Variants in CPA4 observed in about 807,000 individuals in gnomAD.
CPA4 encodes the protein carboxypeptidase A4.
Under a neutral mutation model 54.7 loss-of-function variants are expected in CPA4, and 49 were observed. That is an observed-to-expected ratio of 0.90 (90% confidence interval 0.71 to 1.14). The LOEUF (loss-of-function observed/expected upper bound fraction) is 1.14. CPA4 is among the 50% of genes most tolerant of loss of function. The probability of loss-of-function intolerance (pLI) is 0.00; values close to 1 mark genes in which losing one functional copy is unlikely to be tolerated. For missense variants in CPA4, 487 were observed against 525.1 expected, an observed-to-expected ratio of 0.93 and a Z score of 0.71; for synonymous variants, 215 against 206.8, an observed-to-expected ratio of 1.04 and a Z score of -0.34.
chr7:130,306,323 C>T (rs911470574), intron 6 of CPA4: 2 of 245,394 alleles, frequency 8.2e-6, no homozygotes, highest in Non-Finnish European at 1.6e-5. Context: ...GCGGAGGTTG[C>T]GTTGAGCCAA....
Position 130,299,284 on chromosome 7 carries a change from A to G in CPA4, c.165A>G (p.Lys55=). The part of the protein sequence containing the change: ...NSNNLKLNFW[K]SPSSFNRPVD... Reference sequence around the variant, plus strand: ...GTTCCCTTCAGCTCAATTTCTGGAAATCTCCCTCCTCCTTCAATCGGCCTG... The same window carrying G: ...GTTCCCTTCAGCTCAATTTCTGGAAGTCTCCCTCCTCCTTCAATCGGCCTG... Residue 55 remains lysine (K), a synonymous_variant, in exon 3 of 11, where the codon AAA becomes AAG. Transcript: ENST00000222482. 1 of 1,613,906 alleles carries G rather than the reference A, an allele frequency of 6.2e-7. No individual in the cohort carries two copies. The highest frequency in any genetic ancestry group is 8.5e-7 in the Non-Finnish European group (1 of 1,179,848).
At chr7:130,296,019 C>T (rs1262440470) in intron 1 of CPA4, among the ~76,000 whole-genome samples, 3 of 152,146 alleles carry the variant, frequency 2.0e-5, no homozygotes, top group Admixed American at 2.0e-4. Flanking sequence ...CTACCACAAC[C>T]GCCAATGTTC....
In CPA4 at chr7:130,307,044, A is replaced by C. The variant is rs78626624; in HGVS notation, c.702+147A>C. 5.8e-4 allele frequency: 391 copies of C among 672,648 alleles called. 2 individuals are homozygous for C. In the African/African-American group the frequency reaches 6.0e-3, roughly 10 times the overall value. The allele number at this position is 672,648 out of a possible 1,614,324, so 41.7% of individuals were successfully genotyped here. On this transcript the variant is annotated intron_variant, in intron 7 of 10. Coordinates refer to ENST00000222482, the MANE Select transcript of CPA4 (RefSeq NM_016352.4). ...CTTCTAGTCATCCTCAGAGCTGAGAATCACCAGGGGATATTTCTTCTTAGA... is the reference window on the plus strand; with the variant it reads ...CTTCTAGTCATCCTCAGAGCTGAGACTCACCAGGGGATATTTCTTCTTAGA...
chr7:130,299,527 A>C (rs903215314), intron 3 of CPA4, 123 bp downstream of exon 3: 14 of 878,474 alleles, frequency 1.6e-5, no homozygotes, highest in Non-Finnish European at 2.4e-5. Flanking sequence ...CAGGAAATGG[A>C]GGCAAATGGA....
At position 130,310,724 on chromosome 7, in the gene CPA4, C is replaced by A; in HGVS notation, c.794-63C>A. ...ACCTTCGGCCCCTCTCTAGGTGGAG[C>A]GTCTTGCATTTCTGTGTTCTTGGAC... On this transcript the variant is annotated intron_variant, in intron 8 of 10. Transcript: ENST00000222482. The surrounding 1 kb of genome is among the most constrained non-coding windows in gnomAD (Gnocchi z 4.3). 6.7e-7 allele frequency: 1 copy of A among 1,485,060 alleles called. No individual in the cohort carries two copies. Among genetic ancestry groups the A allele is most frequent in the Non-Finnish European group, 9.4e-7 (1 of 1,064,810 alleles). The allele number at this position is 1,485,060 out of a possible 1,614,324, so 92.0% of individuals were successfully genotyped here.
intron 8 of CPA4, among the ~76,000 whole-genome samples, chr7:130,308,637 G>C (rs952110898): frequency 6.8e-6 from 1 of 148,018 alleles, no homozygotes; most frequent in Admixed American, 6.8e-5. Flanking sequence ...GGCTCACCGC[G>C]ACCTCTGCCT....
Position 130,306,856 on chromosome 7 carries a change from C to T in CPA4, c.661C>T (p.Pro221Ser), listed in dbSNP as rs765061831. ...ILEKMDIFLL[P>S]VANPDGYVYT... Reference sequence around the variant, plus strand: ...GGAGAAAATGGATATTTTCTTGTTGCCTGTGGCCAATCCTGATGGATATGT... The same window carrying T: ...GGAGAAAATGGATATTTTCTTGTTGTCTGTGGCCAATCCTGATGGATATGT... The change falls in exon 7 of 11, where the codon CCT becomes TCT. Residue 221 changes from proline (P) to serine (S), a missense_variant. Transcript: ENST00000222482. 6.2e-7 allele frequency: 1 copy of T among 1,611,336 alleles called. No individual in the cohort carries two copies. Among genetic ancestry groups the T allele is most frequent in the South Asian group, 1.1e-5 (1 of 91,016 alleles).
chr7:130,322,440 A>G (rs1224679141), intron 10 of CPA4, 49 bp from the exon 11 acceptor site: 3 of 1,529,392 alleles, frequency 2.0e-6, no homozygotes, highest in East Asian at 4.5e-5. Flanking sequence ...TTCCCATCTA[A>G]CCCAGGAGGG....
In CPA4 at chr7:130,310,647, AC is replaced by A; in HGVS notation, c.794-138del. 2 of 705,114 alleles carry A rather than the reference AC, an allele frequency of 2.8e-6. No homozygotes were observed. The highest frequency in any genetic ancestry group is 4.9e-6 in the Non-Finnish European group (2 of 408,230). 43.7% of individuals were successfully genotyped at this position (705,114 alleles called of 1,614,324 possible). A position where few individuals can be genotyped will look rare whatever the true frequency, so the allele number is the denominator to read the frequency against. On this transcript the variant is annotated intron_variant, in intron 8 of 10. Coordinates refer to ENST00000222482, the MANE Select transcript of CPA4 (RefSeq NM_016352.4). The surrounding 1 kb of genome is among the most constrained non-coding windows in gnomAD (Gnocchi z 4.3). ...CATGCCTTCTCTGCAGTCCACACCC[AC>A]CATGGACTAGGTGCTCTGGGCCGTC...
At chr7:130,317,858 A>G (rs1239254476) in intron 10 of CPA4, among the ~76,000 whole-genome samples, 1 of 151,562 alleles carries the variant, frequency 6.6e-6, no homozygotes, top group Admixed American at 6.6e-5. Flanking sequence ...TTCCTCTTCA[A>G]TTCTCCGCCC....
At chr7:130,306,231 C>T in intron 6 of CPA4, 1 of 365,234 alleles carries the variant, frequency 2.7e-6, no homozygotes, top group South Asian at 3.3e-5. Context: ...CCCTCGGGGA[C>T]CTCACGCCAT....
rs894520194 is a variant in CPA4, at chr7:130,300,532, C to T, written c.286-284C>T. ...TGTATTTTTAGTAGAGACAGGGTCT[C>T]ACCATGTTGGCCAGGATGGTCTCGA... On this transcript the variant is annotated intron_variant, in intron 3 of 10. Transcript: ENST00000222482. 3.3e-5 allele frequency among the ~76,000 whole-genome samples: 5 copies of T among 151,960 alleles called. No homozygotes were observed. The East Asian group carries it at 5.8e-4, about 18-fold the overall frequency.
At chr7:130,302,002 A>G (rs1364511194) in intron 4 of CPA4, among the ~76,000 whole-genome samples, 1 of 152,158 alleles carries the variant, frequency 6.6e-6, no homozygotes, top group East Asian at 1.9e-4. Flanking sequence ...TGGAGGGGCC[A>G]TCCCCTCACC....
Position 130,293,241 on chromosome 7 carries a change from T to A in CPA4, c.61T>A (p.Phe21Ile), listed in dbSNP as rs372839202. The change falls in exon 1 of 11, where the codon TTT (phenylalanine) becomes ATT (isoleucine). Residue 21 changes from phenylalanine (F) to isoleucine (I), a missense_variant. Physicochemically the swap from Phe to Ile is conservative, Grantham distance 21 (BLOSUM62 0). Transcript: ENST00000222482. ...GTCCAGCATCTGTGGCCAAGAAAAA[T>A]TTTTTGGGTAAGTTCCTTTTGGACT... ...IGSSICGQEK[F>I]FGDQVLRINV... is the part of the protein sequence containing the mutation. 5.6e-6 allele frequency: 9 copies of A among 1,599,872 alleles called. No individual in the cohort carries two copies. The African/African-American group carries it at 8.1e-5, about 14-fold the overall frequency.
chr7:130,294,853 G>A (rs1584742924), intron 1 of CPA4, among the ~76,000 whole-genome samples: 1 of 152,210 alleles, frequency 6.6e-6, no homozygotes, highest in African/African-American at 2.4e-5. Context: ...TTTAGAGCAA[G>A]GGGAAGCTGG....
rs1584751322 is a variant in CPA4, at chr7:130,310,235, C to A, written c.794-552C>A. Among the ~76,000 whole-genome samples, 2 of 132,694 alleles carry A rather than the reference C, an allele frequency of 1.5e-5. No homozygotes were observed. The highest frequency in any genetic ancestry group is 7.3e-5 in the African/African-American group (2 of 27,572). 87.1% of individuals were successfully genotyped at this position (132,694 alleles called of 152,430 possible). On this transcript the variant is annotated intron_variant, in intron 8 of 10. Transcript: ENST00000222482. The surrounding 1 kb of genome is among the most constrained non-coding windows in gnomAD (Gnocchi z 4.3). ...TGGGGTGGTTTCAGTCACATTCATA[C>A]ACACACACACGCACACACACACGTA...
intron 10 of CPA4, among the ~76,000 whole-genome samples, chr7:130,315,003 T>G (rs1793967973): frequency 6.6e-6 from 1 of 152,048 alleles, no homozygotes; most frequent in Non-Finnish European, 1.5e-5. Context: ...GGGAAGTCTG[T>G]TTTCTTGAGA....
chr7:130,316,143 T>C (rs370711153), intron 10 of CPA4, among the ~76,000 whole-genome samples: 2 of 152,204 alleles, frequency 1.3e-5, no homozygotes, highest in East Asian at 3.8e-4. Context: ...TTTTGCTCAA[T>C]AGTCAGCCTC....
chr7:130,319,777 G>C (rs1273487089), intron 10 of CPA4, among the ~76,000 whole-genome samples: 1 of 152,222 alleles, frequency 6.6e-6, no homozygotes, highest in Non-Finnish European at 1.5e-5. Context: ...AATAGATGAA[G>C]TCTGTCTGGG....
Sources: gnomAD v4.1 joint callset for allele counts (sites outside exome capture counted in the v4.1 genomes callset) on GRCh38, gnomAD v4.1.1 for gene constraint, Gnocchi (gnomAD v3.1) non-coding constraint, MANE v1.5 for transcripts, NCBI Gene and HGNC (gene_info 2026-07-23, HGNC 2026-07-21) for gene names.